The following RIMS1 variants were observed in gnomAD, a reference collection of about 807,000 sequenced individuals.
The protein encoded by RIMS1 is regulating synaptic membrane exocytosis 1, also known as regulating synaptic membrane exocytosis protein 1.
RIMS1 carries 83 observed loss-of-function variants against 214.1 expected under a neutral mutation model. That is an observed-to-expected ratio of 0.39 (90% CI 0.32 to 0.47). RIMS1 has a LOEUF of 0.47. RIMS1 is among the 20% of genes least tolerant of loss of function. RIMS1 has a pLI of 0.99. For missense variants in RIMS1, 2,050 were observed against 2,161.8 expected, an observed-to-expected ratio of 0.95 and a Z score of 1.03; for synonymous variants, 793 against 786.8, an observed-to-expected ratio of 1.01 and a Z score of -0.13.
intron 29 of RIMS1, among the ~76,000 whole-genome samples, chr6:72,340,763 C>T (rs965330964): frequency 4.6e-5 from 7 of 151,882 alleles, no homozygotes; most frequent in Non-Finnish European, 7.4e-5. Flanking sequence ...CTTGGCAATG[C>T]GGGCTCTTTT....
At chr6:72,134,959 T>C (rs57982174) in intron 4 of RIMS1, among the ~76,000 whole-genome samples, 169 of 152,226 alleles carry the variant, frequency 1.1e-3, no homozygotes, top group African/African-American at 4.0e-3. Flanking sequence ...CTTTCCAGAA[T>C]GTGACATTCA....
chr6:72,125,507 G>A (rs1436413603), intron 4 of RIMS1, among the ~76,000 whole-genome samples: 1 of 152,208 alleles, frequency 6.6e-6, no homozygotes, highest in Admixed American at 6.5e-5. Flanking sequence ...GAGATCCACT[G>A]CTCTTTTCAG....
In RIMS1 at chr6:72,240,806, C is replaced by T. The variant is rs185197222; in HGVS notation, c.1958-1508C>T. On this transcript the variant is annotated intron_variant, in intron 9 of 33. Coordinates refer to ENST00000521978, the MANE Select transcript of RIMS1 (RefSeq NM_014989.7). ...GGTGCATCACCTGAGTTTAGGAGTT[C>T]AGGAGACCTGGCCAGCCTGGCCAAC... Among the ~76,000 whole-genome samples, 508 of 151,810 alleles carry T rather than the reference C, an allele frequency of 3.3e-3. 16 individuals are homozygous for T. In the South Asian group the frequency reaches 0.052, roughly 16 times the overall value.
intron 28 of RIMS1, among the ~76,000 whole-genome samples, chr6:72,315,141 G>A (rs2095703357): frequency 6.6e-6 from 1 of 152,122 alleles, no homozygotes; most frequent in Non-Finnish European, 1.5e-5. Flanking sequence ...TGTTAGTAGT[G>A]TATTGGAACC....
At chr6:72,326,472 C>T (rs947065924) in intron 28 of RIMS1, among the ~76,000 whole-genome samples, 20 of 151,674 alleles carry the variant, frequency 1.3e-4, no homozygotes, top group Admixed American at 1.3e-3. Flanking sequence ...GCTTCTGATG[C>T]TTTAATGTTA....
chr6:72,236,524 A>G (rs896529903), intron 8 of RIMS1, among the ~76,000 whole-genome samples: 1 of 152,198 alleles, frequency 6.6e-6, no homozygotes, highest in South Asian at 2.1e-4. Flanking sequence ...TAATAATTCA[A>G]CTGGTACACA....
chr6:72,152,832 A>T lies in RIMS1; in HGVS notation c.472-26743A>T, dbSNP rs2043846593. 3.6e-5 allele frequency among the ~76,000 whole-genome samples: 2 copies of T among 54,916 alleles called. 1 individual carries two copies. Among genetic ancestry groups the T allele is most frequent in the Non-Finnish European group, 6.2e-5 (2 of 32,502 alleles). 36.0% of individuals were successfully genotyped at this position (54,916 alleles called of 152,430 possible). On this transcript the variant is annotated intron_variant, in intron 4 of 33. Coordinates refer to ENST00000521978, the MANE Select transcript of RIMS1 (RefSeq NM_014989.7). ...ATGTATATATATGGAATATATGTATATATATGTATATATGGAATATATGTA... is the reference window on the plus strand; with the variant it reads ...ATGTATATATATGGAATATATGTATTTATATGTATATATGGAATATATGTA...
chr6:72,310,230 G>A (rs1382160906), intron 27 of RIMS1, among the ~76,000 whole-genome samples: 1 of 151,858 alleles, frequency 6.6e-6, no homozygotes, highest in Non-Finnish European at 1.5e-5. Context: ...TTTTTTCAGG[G>A]CAAAACATTG....
intron 2 of RIMS1, among the ~76,000 whole-genome samples, chr6:72,011,464 T>C (rs1482049491): frequency 1.3e-5 from 2 of 152,022 alleles, no homozygotes; most frequent in African/African-American, 4.8e-5. Context: ...ACAACAAAAG[T>C]TAAAATTGAC....
At chr6:72,073,690 T>C (rs1831106797) in intron 2 of RIMS1, among the ~76,000 whole-genome samples, 2 of 152,220 alleles carry the variant, frequency 1.3e-5, no homozygotes, top group Admixed American at 1.3e-4. Context: ...GCTTTTCTGG[T>C]CAATCAAATA....
At chr6:72,147,466 G>T (rs1212705697) in intron 4 of RIMS1, among the ~76,000 whole-genome samples, 1 of 152,116 alleles carries the variant, frequency 6.6e-6, no homozygotes, top group Admixed American at 6.5e-5. Flanking sequence ...TTTTGAGAGG[G>T]CTCTATCCTG....
chr6:72,011,865 G>C (rs928828860), intron 2 of RIMS1, among the ~76,000 whole-genome samples: 4 of 152,174 alleles, frequency 2.6e-5, no homozygotes, highest in Middle Eastern at 3.4e-3. Context: ...AATAGGAACA[G>C]TTTTACACTG....
intron 2 of RIMS1, among the ~76,000 whole-genome samples, chr6:72,040,746 AT>A (rs1821216435): frequency 6.6e-6 from 1 of 151,846 alleles, no homozygotes; most frequent in African/African-American, 2.4e-5. Flanking sequence ...AAAATAGTAG[AT>A]TGTTAGGTAA....
intron 2 of RIMS1, among the ~76,000 whole-genome samples, chr6:71,990,390 T>C (rs1207050868): frequency 6.6e-6 from 1 of 152,196 alleles, no homozygotes; most frequent in Non-Finnish European, 1.5e-5. Context: ...TTATTTAAGA[T>C]AAAGTCACAT....
chr6:72,142,017 A>AAACTTTT (rs2042135342), intron 4 of RIMS1, among the ~76,000 whole-genome samples: 1 of 152,152 alleles, frequency 6.6e-6, no homozygotes, highest in Admixed American at 6.5e-5. Context: ...ACATCTATTA[A>AAACTTTT]AAGTGACATA....
chr6:72,203,240 G>A (rs907012160), intron 6 of RIMS1, among the ~76,000 whole-genome samples: 5 of 152,162 alleles, frequency 3.3e-5, no homozygotes, highest in Non-Finnish European at 7.3e-5. Context: ...GCCCACCTCA[G>A]CCTCCCAAAG....
intron 6 of RIMS1, among the ~76,000 whole-genome samples, chr6:72,197,355 G>A (rs563379079): frequency 6.6e-6 from 1 of 151,946 alleles, no homozygotes; most frequent in Non-Finnish European, 1.5e-5. Context: ...GATAAACCAA[G>A]ACACATTGAC....
intron 1 of RIMS1, among the ~76,000 whole-genome samples, chr6:71,890,592 A>AC (rs1261781320): frequency 1.4e-5 from 2 of 147,744 alleles, no homozygotes; most frequent in Admixed American, 6.8e-5. Flanking sequence ...AAAAAAAAAA[A>AC]AAAAACTTCA....
At chr6:72,052,356 G>A (rs1308862548) in intron 2 of RIMS1, among the ~76,000 whole-genome samples, 1 of 152,182 alleles carries the variant, frequency 6.6e-6, no homozygotes, top group Non-Finnish European at 1.5e-5. Context: ...TGGAATTCCA[G>A]GAGGAATGAT....
Sources: gnomAD v4.1 joint callset for allele counts (sites outside exome capture counted in the v4.1 genomes callset) on GRCh38, gnomAD v4.1.1 for gene constraint, MANE v1.5 for transcripts, NCBI Gene and HGNC (gene_info 2026-07-23, HGNC 2026-07-21) for gene names.